The following QTMAN variants were observed in gnomAD, a reference collection of about 807,000 sequenced individuals.
QTMAN encodes queuosine-tRNA mannosyltransferase, also known as tRNA-queuosine alpha-mannosyltransferase.
the QTMAN span, among the ~76,000 whole-genome samples, chr2:144,287,743 T>C: frequency 6.6e-6 from 1 of 152,182 alleles, no homozygotes; most frequent in Admixed American, 6.5e-5. Context: ...AATTCCTATA[T>C]TCTCCTTAAC....
At chr2:144,239,475 T>G in the QTMAN span, among the ~76,000 whole-genome samples, 135 of 152,168 alleles carry the variant, frequency 8.9e-4, no homozygotes, top group African/African-American at 3.1e-3. Flanking sequence ...TAACCAGAAG[T>G]GATGCTGCTG....
chr2:144,068,821 T>C, the QTMAN span, among the ~76,000 whole-genome samples: 1 of 152,166 alleles, frequency 6.6e-6, no homozygotes, highest in African/African-American at 2.4e-5. Context: ...TAGAATAAGG[T>C]CAAAGCAAAG....
the QTMAN span, chr2:143,942,211 G>A: frequency 6.0e-6 from 1 of 167,244 alleles, no homozygotes; most frequent in South Asian, 2.1e-4. Context: ...TCTCCTTGGG[G>A]TTGGGAGAGG....
the QTMAN span, among the ~76,000 whole-genome samples, chr2:144,191,457 C>T: frequency 1.3e-5 from 2 of 152,134 alleles, no homozygotes; most frequent in Non-Finnish European, 2.9e-5. Flanking sequence ...AAAGCAATTG[C>T]TGAATAATGG....
chr2:144,134,131 A>C, the QTMAN span, among the ~76,000 whole-genome samples: 1 of 152,090 alleles, frequency 6.6e-6, no homozygotes, highest in Non-Finnish European at 1.5e-5. Flanking sequence ...TCAATCCACA[A>C]ATTCTCGAAT....
the QTMAN span, among the ~76,000 whole-genome samples, chr2:144,083,787 C>T: frequency 2.1e-5 from 3 of 144,594 alleles, no homozygotes; most frequent in East Asian, 2.1e-4. Flanking sequence ...CAAGGAACCT[C>T]GCCTCACCCA....
At chr2:144,145,547 A>C in the QTMAN span, 1 of 1,567,564 alleles carries the variant, frequency 6.4e-7, no homozygotes, top group South Asian at 1.2e-5. Context: ...AAAGGGCCAA[A>C]TATAATGATA....
At chr2:144,316,302 T>C in the QTMAN span, among the ~76,000 whole-genome samples, 93 of 152,152 alleles carry the variant, frequency 6.1e-4, no homozygotes, top group African/African-American at 2.1e-3. Context: ...AAGAAGATGA[T>C]ATTTTGTTAC....
the QTMAN span, among the ~76,000 whole-genome samples, chr2:143,948,300 C>A: frequency 6.6e-6 from 1 of 152,076 alleles, no homozygotes; most frequent in Non-Finnish European, 1.5e-5. Context: ...ATTCTTCTCC[C>A]TTCCAAATAA....
chr2:144,214,267 A>T, the QTMAN span, among the ~76,000 whole-genome samples: 2 of 152,230 alleles, frequency 1.3e-5, no homozygotes, highest in African/African-American at 2.4e-5. Flanking sequence ...TTATTTTTTT[A>T]AATTCTTCTA....
the QTMAN span, among the ~76,000 whole-genome samples, chr2:144,105,533 GAGAGA>G: frequency 6.6e-5 from 10 of 152,140 alleles, no homozygotes; most frequent in Admixed American, 3.9e-4. Flanking sequence ...ATGAAATGAA[GAGAGA>G]AGAGAAGTTC....
At chr2:144,141,817 C>T in the QTMAN span, 1 of 1,254,946 alleles carries the variant, frequency 8.0e-7, no homozygotes, top group Non-Finnish European at 1.1e-6. Flanking sequence ...TGAAGAACAT[C>T]AATTTTTATA....
the QTMAN span, among the ~76,000 whole-genome samples, chr2:144,171,218 G>GGCT: frequency 6.6e-6 from 1 of 152,094 alleles, no homozygotes; most frequent in Non-Finnish European, 1.5e-5. Flanking sequence ...TATCACGTCT[G>GGCT]GCTGCTCCTC....
the QTMAN span, among the ~76,000 whole-genome samples, chr2:144,005,198 T>C: frequency 1.3e-5 from 2 of 152,082 alleles, no homozygotes; most frequent in Non-Finnish European, 1.5e-5. Flanking sequence ...ATTAACCTTA[T>C]AGACTGTTAT....
chr2:144,203,648 C>T, the QTMAN span, among the ~76,000 whole-genome samples: 12 of 152,172 alleles, frequency 7.9e-5, no homozygotes, highest in African/African-American at 2.9e-4. Flanking sequence ...CCCAGAAAAG[C>T]ACCTGGTGTC....
chr2:144,300,659 T>C, the QTMAN span, among the ~76,000 whole-genome samples: 3 of 152,170 alleles, frequency 2.0e-5, no homozygotes, highest in African/African-American at 7.2e-5. Context: ...ATTTAAGATA[T>C]ACATAATATA....
the QTMAN span, among the ~76,000 whole-genome samples, chr2:143,983,763 A>G: frequency 1.3e-5 from 2 of 152,098 alleles, no homozygotes; most frequent in African/African-American, 4.8e-5. Context: ...GTGAGCCACC[A>G]CGCCCAGCCG....
chr2:144,121,975 G>GA, the QTMAN span, among the ~76,000 whole-genome samples: 2 of 152,114 alleles, frequency 1.3e-5, no homozygotes, highest in African/African-American at 4.8e-5. Flanking sequence ...AGCATTTGAG[G>GA]AAAAAATTAT....
chr2:144,057,481 T>G, the QTMAN span, among the ~76,000 whole-genome samples: 1 of 152,100 alleles, frequency 6.6e-6, no homozygotes, highest in African/African-American at 2.4e-5. Flanking sequence ...ATTAAATAAA[T>G]CCTCAAAAAA....
Sources: gnomAD v4.1 joint callset for allele counts (sites outside exome capture counted in the v4.1 genomes callset) on GRCh38, gnomAD v4.1.1 for gene constraint, MANE v1.5 for transcripts, NCBI Gene and HGNC (gene_info 2026-07-23, HGNC 2026-07-21) for gene names.